Variants in RBM27 observed in about 807,000 individuals in gnomAD.
The protein encoded by RBM27 is RNA binding motif protein 27.
RBM27 carries 22 observed loss-of-function variants against 135.3 expected under a neutral mutation model. That is an observed-to-expected ratio of 0.16 (90% confidence interval 0.12 to 0.23). The LOEUF (loss-of-function observed/expected upper bound fraction) is 0.23. RBM27 is among the 10% of genes least tolerant of loss of function. The pLI, the probability that RBM27 is intolerant of heterozygous loss-of-function variation, is 1.00. For missense variants in RBM27, 1,009 were observed against 1,281.0 expected, an observed-to-expected ratio of 0.79 and a Z score of 3.24; for synonymous variants, 481 against 442.4, an observed-to-expected ratio of 1.09 and a Z score of -1.10.
chr5:146,211,071 G>A (rs550701234), intron 1 of RBM27, among the ~76,000 whole-genome samples: 3 of 152,148 alleles, frequency 2.0e-5, no homozygotes, highest in African/African-American at 7.2e-5. Context: ...CCAGGAGTTC[G>A]AGACCAGCCT....
intron 20 of RBM27, among the ~76,000 whole-genome samples, chr5:146,285,670 A>G (rs1019630613): frequency 1.3e-5 from 2 of 152,062 alleles, no homozygotes; most frequent in Non-Finnish European, 2.9e-5. Context: ...GTCTTTTTTA[A>G]ATTTTCTGTA....
intron 7 of RBM27, among the ~76,000 whole-genome samples, chr5:146,234,665 A>C (rs1331683606): frequency 1.3e-5 from 2 of 152,164 alleles, no homozygotes; most frequent in Non-Finnish European, 1.5e-5. Flanking sequence ...GTAATTGAAA[A>C]AATTATGGAA....
intron 1 of RBM27, among the ~76,000 whole-genome samples, chr5:146,211,118 A>T (rs1392827553): frequency 2.6e-5 from 4 of 151,702 alleles, no homozygotes; most frequent in Admixed American, 6.6e-5. Context: ...ACAAAAAAAT[A>T]AAAAAAATAG....
chr5:146,221,002 G>A (rs1317330004), intron 2 of RBM27, among the ~76,000 whole-genome samples: 1 of 151,972 alleles, frequency 6.6e-6, no homozygotes, highest in East Asian at 1.9e-4. Context: ...TGGATCATGA[G>A]GTCAGGAGAT....
chr5:146,267,651 A>G lies in RBM27; in HGVS notation c.2334A>G (p.Ile778Met). 1 of 1,528,806 alleles carries G rather than the reference A, an allele frequency of 6.5e-7. No individual in the cohort carries two copies. The highest frequency in any genetic ancestry group is 8.8e-7 in the Non-Finnish European group (1 of 1,130,504). 94.7% of individuals were successfully genotyped at this position (1,528,806 alleles called of 1,614,324 possible). Residue 778 changes from isoleucine (I) to methionine (M), a missense_variant and splice_region_variant, in exon 15 of 21, where the codon ATA becomes ATG. Coordinates refer to ENST00000265271, the MANE Select transcript of RBM27 (RefSeq NM_018989.2). Reference protein sequence around the residue: ...QSGGAGEDCQIFSTPGHPKMI... With the variant: ...QSGGAGEDCQMFSTPGHPKMI... ...TTTTTTTTTTCTTTATTTTTTAGATATTTTCAACTCCAGGCCATCCAAAAA... is the reference window on the plus strand; with the variant it reads ...TTTTTTTTTTCTTTATTTTTTAGATGTTTTCAACTCCAGGCCATCCAAAAA...
At chr5:146,232,389 A>G (rs904941267) in intron 6 of RBM27, among the ~76,000 whole-genome samples, 7 of 152,154 alleles carry the variant, frequency 4.6e-5, no homozygotes, top group Non-Finnish European at 1.0e-4. Flanking sequence ...TTCCAAACAT[A>G]ATCTGTGCGT....
intron 19 of RBM27, among the ~76,000 whole-genome samples, chr5:146,277,346 G>T (rs576829807): frequency 6.6e-6 from 1 of 152,130 alleles, no homozygotes; most frequent in East Asian, 1.9e-4. Flanking sequence ...AATTGTTCAT[G>T]TTTATGAATA....
intron 14 of RBM27, among the ~76,000 whole-genome samples, chr5:146,265,586 T>TA (rs2126867976): frequency 6.6e-6 from 1 of 152,310 alleles, no homozygotes; most frequent in South Asian, 2.1e-4. Context: ...AAGTAATCCC[T>TA]AAAAAGTGAA....
intron 1 of RBM27, among the ~76,000 whole-genome samples, chr5:146,207,644 A>G (rs1281432802): frequency 6.6e-6 from 1 of 151,114 alleles, no homozygotes; most frequent in Non-Finnish European, 1.5e-5. Flanking sequence ...ATATGCATGT[A>G]ACGGGAGATA....
intron 11 of RBM27, among the ~76,000 whole-genome samples, chr5:146,259,958 C>T (rs1252328538): frequency 9.0e-5 from 10 of 111,122 alleles, no homozygotes; most frequent in African/African-American, 2.6e-4. Context: ...CCGGCCTGGG[C>T]GACAGAGCGA....
intron 2 of RBM27, among the ~76,000 whole-genome samples, chr5:146,223,064 G>A (rs988938300): frequency 6.6e-6 from 1 of 152,002 alleles, no homozygotes; most frequent in Non-Finnish European, 1.5e-5. Context: ...TTGAGATCAG[G>A]TATTATCAGT....
At chr5:146,218,420 T>G (rs1008067671) in intron 1 of RBM27, among the ~76,000 whole-genome samples, 5 of 152,366 alleles carry the variant, frequency 3.3e-5, no homozygotes, top group African/African-American at 1.2e-4. Context: ...TTACAGCTGC[T>G]AAAGCATTTG....
At chr5:146,258,649 A>G in intron 11 of RBM27, 56 bp downstream of exon 11, 1 of 1,353,232 alleles carries the variant, frequency 7.4e-7, no homozygotes, top group South Asian at 2.1e-5. Context: ...TGCATTGGTA[A>G]ATTCATAAAA....
intron 9 of RBM27, among the ~76,000 whole-genome samples, chr5:146,253,204 G>A (rs534725581): frequency 1.5e-3 from 229 of 152,134 alleles, no homozygotes; most frequent in African/African-American, 5.3e-3. Flanking sequence ...TGCCATGTTG[G>A]TCAGGCTGGT....
At position 146,258,952 on chromosome 5, in the gene RBM27, G is replaced by T. The variant is rs1000782054; in HGVS notation, c.1739+359G>T. On this transcript the variant is annotated intron_variant, in intron 11 of 20. Coordinates refer to ENST00000265271, the MANE Select transcript of RBM27 (RefSeq NM_018989.2). ...TTTCTTGTATTTTTAGCGGAGATGG[G>T]GTTTCACCTTGTTAGTCAGGCTGGT... 2.0e-5 allele frequency among the ~76,000 whole-genome samples: 3 copies of T among 151,574 alleles called. No homozygotes were observed. In the South Asian group the frequency reaches 6.3e-4, roughly 32 times the overall value.
At chr5:146,227,164 A>C (rs561974561) in intron 3 of RBM27, among the ~76,000 whole-genome samples, 1 of 152,206 alleles carries the variant, frequency 6.6e-6, no homozygotes, top group Admixed American at 6.5e-5. Flanking sequence ...GCACCAACTC[A>C]TCCTGCTTCT....
At chr5:146,210,057 T>G (rs187227648) in intron 1 of RBM27, among the ~76,000 whole-genome samples, 21 of 152,314 alleles carry the variant, frequency 1.4e-4, no homozygotes, top group Admixed American at 1.2e-3. Context: ...ATTAATCTCT[T>G]TTTATACAAT....
chr5:146,222,348 T>C (rs1756494532), intron 2 of RBM27, among the ~76,000 whole-genome samples: 2 of 152,242 alleles, frequency 1.3e-5, no homozygotes, highest in Admixed American at 1.3e-4. Flanking sequence ...TCTTTAGCTG[T>C]TCCTTAGGGT....
intron 9 of RBM27, among the ~76,000 whole-genome samples, chr5:146,254,425 A>G (rs1453817364): frequency 1.4e-5 from 2 of 147,542 alleles, no homozygotes; most frequent in Admixed American, 7.2e-5. Context: ...ATTCTGTAAT[A>G]GGAGCATTTT....
Sources: allele counts gnomAD v4.1 joint callset (sites outside exome capture counted in the v4.1 genomes callset), GRCh38; gene constraint gnomAD v4.1.1; transcripts MANE v1.5; gene names NCBI Gene and HGNC (gene_info 2026-07-23, HGNC 2026-07-21).